Variants in LINGO2 observed in about 807,000 individuals in gnomAD.
LINGO2 encodes leucine rich repeat and Ig domain containing 2.
In LINGO2, 14 loss-of-function variants were observed where a neutral mutation model predicts 30.6. The ratio of observed to expected loss-of-function variants is 0.46; its 90% CI spans 0.30 to 0.72. LINGO2 has a LOEUF of 0.72. Among genes scored for constraint, LINGO2 ranks in the 30% least tolerant of loss-of-function variants. The probability of loss-of-function intolerance (pLI) is 0.07; values close to 1 mark genes in which losing one functional copy is unlikely to be tolerated. For missense variants in LINGO2, 729 were observed against 751.7 expected (o/e 0.97, Z 0.35); for synonymous variants, 317 against 288.5 (o/e 1.10, Z -1.00).
At chr9:28,055,179 G>A (rs1360674748) in intron 4 of LINGO2, among the ~76,000 whole-genome samples, 2 of 152,178 alleles carry the variant, frequency 1.3e-5, no homozygotes, top group East Asian at 1.9e-4. Context: ...TATGTAAATT[G>A]GCTTAATTTT....
At chr9:28,291,671 G>A (rs1000913531) in intron 4 of LINGO2, among the ~76,000 whole-genome samples, 2 of 152,164 alleles carry the variant, frequency 1.3e-5, no homozygotes, top group Non-Finnish European at 2.9e-5. Context: ...AGCAAATAGA[G>A]TAAAAATATA....
intron 3 of LINGO2, among the ~76,000 whole-genome samples, chr9:28,357,315 G>GCCCCCCCC (rs747187754): frequency 4.5e-5 from 3 of 66,056 alleles, no homozygotes; most frequent in Admixed American, 1.6e-4. Flanking sequence ...CAGAAATAAA[G>GCCCCCCCC]CCCACCCCCC....
intron 1 of LINGO2, among the ~76,000 whole-genome samples, chr9:28,487,172 A>T (rs1455301103): frequency 6.6e-6 from 1 of 152,132 alleles, no homozygotes; most frequent in Non-Finnish European, 1.5e-5. Flanking sequence ...TCGGGTAGGA[A>T]ACTAGCTTCT....
At chr9:28,859,178 CTGCTTACAGTT>C in the LINGO2 span, among the ~76,000 whole-genome samples, 1 of 151,988 alleles carries the variant, frequency 6.6e-6, no homozygotes, top group Non-Finnish European at 1.5e-5. Context: ...CCAATTCTTT[CTGCTTACAGTT>C]TGCTATATTA....
chr9:28,634,711 G>A (rs1289354188), intron 1 of LINGO2, among the ~76,000 whole-genome samples: 1 of 151,764 alleles, frequency 6.6e-6, no homozygotes, highest in Non-Finnish European at 1.5e-5. Context: ...GTCTCAAACT[G>A]TTGACCTCAA....
At chr9:29,108,344 T>C in the LINGO2 span, among the ~76,000 whole-genome samples, 1 of 152,108 alleles carries the variant, frequency 6.6e-6, no homozygotes, top group Non-Finnish European at 1.5e-5. Flanking sequence ...GTTATAAAAG[T>C]AAGCATGTTC....
chr9:28,327,849 A>C (rs192425430), intron 3 of LINGO2, among the ~76,000 whole-genome samples: 3 of 152,288 alleles, frequency 2.0e-5, no homozygotes, highest in South Asian at 2.1e-4. Flanking sequence ...TCTATCATTA[A>C]ACGTCTAGTG....
intron 3 of LINGO2, among the ~76,000 whole-genome samples, chr9:28,356,731 AG>A (rs1157100215): frequency 1.3e-5 from 2 of 152,256 alleles, no homozygotes; most frequent in Non-Finnish European, 2.9e-5. Flanking sequence ...TCCCCATGAC[AG>A]GTGGTCACTT....
chr9:28,826,307 T>C, the LINGO2 span, among the ~76,000 whole-genome samples: 1 of 152,260 alleles, frequency 6.6e-6, no homozygotes, highest in East Asian at 1.9e-4. Context: ...AAAAGACTTT[T>C]GAAAAATTAA....
chr9:29,210,551 T>C, the LINGO2 span, among the ~76,000 whole-genome samples: 14 of 152,320 alleles, frequency 9.2e-5, no homozygotes, highest in African/African-American at 3.1e-4. Context: ...CATCAAGATA[T>C]ATATTCTTGC....
the LINGO2 span, among the ~76,000 whole-genome samples, chr9:28,744,609 C>CGTGTGTGTGTGTGTGTGTGTGTGTGTGT: frequency 2.5e-4 from 33 of 133,974 alleles, no homozygotes; most frequent in Non-Finnish European, 4.0e-4. Context: ...ATATTCCCCT[C>CGTGTGTGTGTGTGTGTGTGTGTGTGTGT]GTGTGTGTGT....
At chr9:28,023,413 A>C (rs539218138) in intron 4 of LINGO2, among the ~76,000 whole-genome samples, 16 of 152,158 alleles carry the variant, frequency 1.1e-4, no homozygotes, top group Non-Finnish European at 2.1e-4. Flanking sequence ...CACTTCATTA[A>C]GTAGAATCTA....
At chr9:28,722,736 C>A in the LINGO2 span, among the ~76,000 whole-genome samples, 6 of 152,136 alleles carry the variant, frequency 3.9e-5, no homozygotes, top group Non-Finnish European at 8.8e-5. Flanking sequence ...ATGCGACAAC[C>A]TTTGCTGTTG....
At chr9:28,024,645 C>T (rs987319618) in intron 4 of LINGO2, among the ~76,000 whole-genome samples, 1 of 152,098 alleles carries the variant, frequency 6.6e-6, no homozygotes, top group South Asian at 2.1e-4. Context: ...TTATGCTTGC[C>T]TAGCTGCCTG....
chr9:28,773,309 G>A, the LINGO2 span, among the ~76,000 whole-genome samples: 1 of 151,054 alleles, frequency 6.6e-6, no homozygotes, highest in Non-Finnish European at 1.5e-5. Context: ...AGTTTGCAGT[G>A]AGCTGAGATC....
At chr9:28,717,210 G>A in the LINGO2 span, among the ~76,000 whole-genome samples, 1 of 151,900 alleles carries the variant, frequency 6.6e-6, no homozygotes, top group Non-Finnish European at 1.5e-5. Context: ...CAGTGTCAAA[G>A]GAGTCATTCA....
intron 3 of LINGO2, among the ~76,000 whole-genome samples, chr9:28,348,854 C>A (rs1382094842): frequency 6.6e-6 from 1 of 152,084 alleles, no homozygotes; most frequent in African/African-American, 2.4e-5. Context: ...GAACCCCGGG[C>A]AGCCTAACTG....
At chr9:28,990,480 T>C in the LINGO2 span, among the ~76,000 whole-genome samples, 2 of 152,184 alleles carry the variant, frequency 1.3e-5, no homozygotes, top group African/African-American at 4.8e-5. Flanking sequence ...AATGTCCCTG[T>C]CTGACAGCTT....
intron 4 of LINGO2, among the ~76,000 whole-genome samples, chr9:28,201,827 A>G (rs917430591): frequency 2.8e-5 from 4 of 142,732 alleles, no homozygotes; most frequent in Non-Finnish European, 4.5e-5. Context: ...TCCTCCCCCT[A>G]TTTAAATTCC....
Sources: allele counts gnomAD v4.1 joint callset (sites outside exome capture counted in the v4.1 genomes callset), GRCh38; gene constraint gnomAD v4.1.1; transcripts MANE v1.5; gene names NCBI Gene and HGNC (gene_info 2026-07-23, HGNC 2026-07-21).